TTC3: variants seen among roughly 807,000 people sequenced by gnomAD.
TTC3 encodes the protein E3 ubiquitin-protein ligase TTC3.
TTC3 carries 180 observed loss-of-function variants against 249.6 expected under a neutral mutation model. The ratio of observed to expected loss-of-function variants is 0.72; its 90% CI spans 0.64 to 0.82. The LOEUF (loss-of-function observed/expected upper bound fraction) is 0.82. Ranked by LOEUF, TTC3 falls within the 40% of genes least tolerant of loss-of-function variation. TTC3 has a pLI of 0.00. For synonymous variants in TTC3, 717 were observed against 805.0 expected, an observed-to-expected ratio of 0.89 and a Z score of 1.85; for missense variants, 2,061 against 2,398.4, an observed-to-expected ratio of 0.86 and a Z score of 2.94.
rs536343517 is a variant in TTC3 at position 37,079,732 on chromosome 21, C to T, written c.-12+6368C>T. Reference sequence around the variant, plus strand: ...TATTTTTAGTAGAGACGGAGTTTCACCATGTTGGCCAGGCTCTTCACAAAC... The same window carrying T: ...TATTTTTAGTAGAGACGGAGTTTCATCATGTTGGCCAGGCTCTTCACAAAC... On this transcript the variant is annotated intron_variant, in intron 1 of 45. Coordinates refer to ENST00000355666, the Ensembl canonical transcript of TTC3. 1.5e-3 allele frequency among the ~76,000 whole-genome samples: 225 copies of T among 151,898 alleles called. 2 individuals carry two copies. The highest frequency in any genetic ancestry group is 4.9e-3 in the African/African-American group (205 of 41,422).
At chr21:37,197,455 T>G in intron 42 of TTC3, 115 bp from the exon 43 acceptor site, 1 of 1,281,226 alleles carries the variant, frequency 7.8e-7, no homozygotes, top group Non-Finnish European at 1.1e-6. Flanking sequence ...AGATTAATTT[T>G]ATGTGCATTT....
At chr21:37,141,796 C>CA (rs1213796918) in intron 20 of TTC3, among the ~76,000 whole-genome samples, 3 of 151,730 alleles carry the variant, frequency 2.0e-5, no homozygotes, top group East Asian at 1.9e-4. Flanking sequence ...AGAGACACAA[C>CA]AAAAAAAGAG....
chr21:37,099,224 T>A (rs1481665883), intron 10 of TTC3: 1 of 152,224 alleles, frequency 6.6e-6, no homozygotes, highest in African/African-American at 2.4e-5. Context: ...TTGGCAAGAT[T>A]GATATCTAAA....
chr21:37,123,099 A>G lies in TTC3; in HGVS notation c.1109+71A>G. Reference sequence around the variant, plus strand: ...TGCTGCATGAATTTAAGAATCACTTATGTTTGACGCTTTAGGAGCTAATAG... The same window carrying G: ...TGCTGCATGAATTTAAGAATCACTTGTGTTTGACGCTTTAGGAGCTAATAG... On this transcript the variant is annotated intron_variant, in intron 13 of 45. Coordinates refer to ENST00000355666, the Ensembl canonical transcript of TTC3. The G allele has an allele frequency of 2.6e-6, 4 of 1,525,122 alleles. No homozygotes were observed. In the South Asian group the frequency reaches 4.5e-5, roughly 17 times the overall value. 94.5% of individuals were successfully genotyped at this position (1,525,122 alleles called of 1,614,324 possible). A position where few individuals can be genotyped will look rare whatever the true frequency, so the allele number is the denominator to read the frequency against.
intron 27 of TTC3, among the ~76,000 whole-genome samples, chr21:37,155,292 G>GA (rs11370365): frequency 1 from 152,133 of 152,138 alleles, 76,064 homozygotes; most frequent in Middle Eastern, 1. Context: ...AGGGAGGAAA[G>GA]GAGGAAAGGA....
intron 22 of TTC3, 78 bp from the exon 23 acceptor site, chr21:37,148,468 G>T: frequency 1.6e-6 from 1 of 641,968 alleles, no homozygotes. Context: ...AGCTCTCTCT[G>T]TCTTTATGTA....
intron 1 of TTC3, among the ~76,000 whole-genome samples, chr21:37,073,831 G>A (rs2070396747): frequency 1.3e-5 from 2 of 152,174 alleles, no homozygotes; most frequent in Admixed American, 6.5e-5. Context: ...TTGTGTTACT[G>A]CCCCTGTCTG....
At chr21:37,111,884 G>T (rs2075696778) in intron 11 of TTC3, among the ~76,000 whole-genome samples, 1 of 151,902 alleles carries the variant, frequency 6.6e-6, no homozygotes, top group South Asian at 2.1e-4. Context: ...TGGAACTCAG[G>T]ATTAAGAAAC....
chr21:37,121,728 C>A, intron 11 of TTC3, 89 bp from the exon 12 acceptor site: 1 of 1,221,572 alleles, frequency 8.2e-7, no homozygotes, highest in Non-Finnish European at 1.1e-6. Flanking sequence ...AGTAATGAAT[C>A]AGTTTTCAAG....
At chr21:37,097,665 T>C (rs573214158) in intron 10 of TTC3, among the ~76,000 whole-genome samples, 1 of 152,170 alleles carries the variant, frequency 6.6e-6, no homozygotes, top group Non-Finnish European at 1.5e-5. Context: ...GGCTGTAATA[T>C]TAATTGAGTG....
At chr21:37,148,621 A>T (rs756791095) in exon 23 of TTC3, 1 of 1,602,724 alleles carries the variant, frequency 6.2e-7, no homozygotes, top group South Asian at 1.1e-5. Flanking sequence ...GTTAAAAACT[A>T]CAACCTTTAA....
intron 1 of TTC3, chr21:37,083,077 A>G (rs2071926459): frequency 1.0e-6 from 1 of 985,334 alleles, no homozygotes; most frequent in Non-Finnish European, 1.2e-6. Context: ...GCTGTCAGAG[A>G]CATGGGCAGG....
At chr21:37,082,717 T>TC (rs1250283707) in intron 1 of TTC3, 2 of 985,000 alleles carry the variant, frequency 2.0e-6, no homozygotes, top group Non-Finnish European at 2.4e-6. Context: ...AAAAAGTGTT[T>TC]TTTTTTTTAA....
chr21:37,167,564 A>T (rs1285044356), exon 34 of TTC3: 1 of 1,608,620 alleles, frequency 6.2e-7, no homozygotes, highest in South Asian at 1.1e-5. Context: ...GGTATCTTGG[A>T]ACATAATACA....
Position 37,202,873 on chromosome 21 carries a change from G to A in TTC3, c.*1299G>A, listed in dbSNP as rs367592356. The A allele has an allele frequency of 7.9e-5, 12 of 152,286 alleles. No homozygotes were observed. In the East Asian group the frequency reaches 1.4e-3, roughly 17 times the overall value. The allele number at this position is 152,286 out of a possible 1,614,324, so 9.4% of individuals were successfully genotyped here. On this transcript the variant is annotated 3_prime_UTR_variant, in exon 46 of 46. Coordinates refer to ENST00000355666, the Ensembl canonical transcript of TTC3. The stretch of plus-strand genomic sequence containing the variant: ...AGTGACTTAGTTCTTAGAAGCTCAC[G>A]CCTTAGTTTGAAACAGATTCTCCAC...
chr21:37,083,336 T>G, intron 1 of TTC3: 1 of 985,464 alleles, frequency 1.0e-6, no homozygotes, highest in Non-Finnish European at 1.2e-6. Flanking sequence ...AGTTGGACTT[T>G]ATTCTCAAGC....
intron 36 of TTC3, among the ~76,000 whole-genome samples, chr21:37,184,714 C>T (rs1304888618): frequency 2.0e-5 from 3 of 151,618 alleles, no homozygotes; most frequent in Non-Finnish European, 4.4e-5. Flanking sequence ...GATGATCCAC[C>T]CATCTCGGCC....
At chr21:37,152,958 A>G in exon 27 of TTC3, 1 of 1,589,026 alleles carries the variant, frequency 6.3e-7, no homozygotes, top group East Asian at 2.2e-5. Flanking sequence ...TAGAAACTGT[A>G]GACAATGTTC....
exon 5 of TTC3, chr21:37,088,861 T>C: frequency 6.2e-7 from 1 of 1,613,752 alleles, no homozygotes; most frequent in Non-Finnish European, 8.5e-7. Flanking sequence ...ATGGAAGATA[T>C]TGTGGATTTG....
Sources: allele counts gnomAD v4.1 joint callset (sites outside exome capture counted in the v4.1 genomes callset), GRCh38; gene constraint gnomAD v4.1.1; transcripts MANE v1.5; gene names NCBI Gene and HGNC (gene_info 2026-07-23, HGNC 2026-07-21).